ISM1: variants seen among roughly 807,000 people sequenced by gnomAD.
The protein encoded by ISM1 is isthmin 1, also known as isthmin-1.
ISM1 carries 25 observed loss-of-function variants against 46.3 expected under a neutral mutation model. That is an observed-to-expected ratio of 0.54 (90% CI 0.39 to 0.75). ISM1 has a LOEUF of 0.75. Among genes scored for constraint, ISM1 ranks in the 30% least tolerant of loss-of-function variants. ISM1 has a pLI of 0.00. For missense variants in ISM1, 536 were observed against 625.4 expected (o/e 0.86, Z 1.52); for synonymous variants, 255 against 256.7 (o/e 0.99, Z 0.06).
the ISM1 span, among the ~76,000 whole-genome samples, chr20:13,309,509 GA>G: frequency 6.6e-6 from 1 of 152,070 alleles, no homozygotes; most frequent in Non-Finnish European, 1.5e-5. Flanking sequence ...AACCATCAGT[GA>G]AAAGCTTTTC....
At chr20:13,236,114 G>A (rs1462952306) in intron 1 of ISM1, among the ~76,000 whole-genome samples, 1 of 151,838 alleles carries the variant, frequency 6.6e-6, no homozygotes, top group Non-Finnish European at 1.5e-5. Context: ...TAGTAGAGAC[G>A]GGGTTTCACC....
intron 1 of ISM1, among the ~76,000 whole-genome samples, chr20:13,228,155 T>C (rs1300398160): frequency 6.6e-6 from 1 of 151,888 alleles, no homozygotes; most frequent in Non-Finnish European, 1.5e-5. Context: ...GTATTTTTAG[T>C]AGAGATGGAG....
chr20:13,268,382 CT>C (rs2040072850), intron 1 of ISM1, among the ~76,000 whole-genome samples: 1 of 133,460 alleles, frequency 7.5e-6, no homozygotes, highest in African/African-American at 2.8e-5. Flanking sequence ...CTCTCTCTCT[CT>C]CTCTCTCTCT....
At chr20:13,293,028 T>C (rs2040369620) in intron 5 of ISM1, among the ~76,000 whole-genome samples, 1 of 151,474 alleles carries the variant, frequency 6.6e-6, no homozygotes, top group South Asian at 2.1e-4. Context: ...AACCCCCCCG[T>C]CTCTACTAAA....
chr20:13,242,874 T>C (rs1027140058), intron 1 of ISM1, among the ~76,000 whole-genome samples: 1 of 152,228 alleles, frequency 6.6e-6, no homozygotes, highest in Non-Finnish European at 1.5e-5. Flanking sequence ...TACTTGTTTT[T>C]GTCATATACT....
In ISM1 at chr20:13,221,737, G is replaced by A; in HGVS notation, c.-40G>A. The A allele has an allele frequency of 1.5e-6, 2 of 1,350,108 alleles. No homozygotes were observed. The highest frequency in any genetic ancestry group is 1.9e-6 in the Non-Finnish European group (2 of 1,054,324). 83.6% of individuals were successfully genotyped at this position (1,350,108 alleles called of 1,614,324 possible). ...CCCCGGCGTCACCGCCGCCGCCGCC[G>A]GCCGCCGCGCCGGGTCCTAAAGCCG... On this transcript the variant is annotated 5_prime_UTR_variant, in exon 1 of 6. Coordinates refer to ENST00000262487, the MANE Select transcript of ISM1 (RefSeq NM_080826.2).
At chr20:13,228,121 C>G (rs1337640309) in intron 1 of ISM1, among the ~76,000 whole-genome samples, 1 of 151,808 alleles carries the variant, frequency 6.6e-6, no homozygotes, top group Non-Finnish European at 1.5e-5. Context: ...TACAGGTACC[C>G]ACCACCATGC....
intron 1 of ISM1, among the ~76,000 whole-genome samples, chr20:13,259,795 T>C (rs921233508): frequency 2.6e-5 from 4 of 152,220 alleles, no homozygotes; most frequent in African/African-American, 9.6e-5. Flanking sequence ...TGAAGATACA[T>C]GCTCCTACAG....
chr20:13,325,998 G>T, the ISM1 span, among the ~76,000 whole-genome samples: 50,247 of 151,618 alleles, frequency 0.33, 10,196 homozygotes, highest in African/African-American at 0.56. Flanking sequence ...TCCCAACTCC[G>T]GGTAACCACT....
At chr20:13,228,595 C>T (rs534696423) in intron 1 of ISM1, among the ~76,000 whole-genome samples, 61 of 151,800 alleles carry the variant, frequency 4.0e-4, no homozygotes, top group African/African-American at 1.1e-3. Flanking sequence ...TTTTAATGTT[C>T]GGAAATTTTA....
At chr20:13,307,910 G>T in the ISM1 span, among the ~76,000 whole-genome samples, 1 of 152,274 alleles carries the variant, frequency 6.6e-6, no homozygotes, top group African/African-American at 2.4e-5. Flanking sequence ...GTGTGCTTTT[G>T]GGTGTGCGTA....
intron 1 of ISM1, 48 bp from the exon 2 acceptor site, chr20:13,270,456 T>C: frequency 6.4e-7 from 1 of 1,562,048 alleles, no homozygotes; most frequent in Non-Finnish European, 8.7e-7. Context: ...GTGACATTTT[T>C]TAATCATGTG....
chr20:13,315,507 A>C, the ISM1 span, among the ~76,000 whole-genome samples: 2 of 152,066 alleles, frequency 1.3e-5, no homozygotes, highest in Non-Finnish European at 2.9e-5. Flanking sequence ...ATATGTATTC[A>C]CCTAATAACA....
At chr20:13,317,259 C>A in the ISM1 span, among the ~76,000 whole-genome samples, 2 of 151,394 alleles carry the variant, frequency 1.3e-5, no homozygotes, top group African/African-American at 4.8e-5. Context: ...AAAAACAAAA[C>A]AAAACAAAAA....
intron 1 of ISM1, among the ~76,000 whole-genome samples, chr20:13,235,157 T>C (rs1348727090): frequency 6.6e-6 from 1 of 152,212 alleles, no homozygotes; most frequent in East Asian, 1.9e-4. Flanking sequence ...TGAGGTTCAG[T>C]AGATCTAGGC....
chr20:13,272,277 T>C (rs574253652), intron 2 of ISM1, among the ~76,000 whole-genome samples: 1 of 152,318 alleles, frequency 6.6e-6, no homozygotes, highest in South Asian at 2.1e-4. Context: ...TTAGATCAGG[T>C]TTCGTTGACC....
chr20:13,243,779 C>T (rs1326226897), intron 1 of ISM1, among the ~76,000 whole-genome samples: 2 of 152,142 alleles, frequency 1.3e-5, no homozygotes, highest in African/African-American at 4.8e-5. Flanking sequence ...AACTAATCAG[C>T]AAAACATGGT....
At position 13,299,538 on chromosome 20, in the gene ISM1, G is replaced by A. The variant is rs2040440171; in HGVS notation, c.*79G>A. On this transcript the variant is annotated 3_prime_UTR_variant, in exon 6 of 6. Coordinates refer to ENST00000262487, the MANE Select transcript of ISM1 (RefSeq NM_080826.2). The surrounding 1 kb of genome is among the most constrained non-coding windows in gnomAD (Gnocchi z 5.8). ...CTGCACTGACGTGCCGACTGGCGCC[G>A]AGACCTTCATAGCTGCGGTCGTGTA... The A allele has an allele frequency of 1.7e-5, 22 of 1,308,476 alleles. 1 individual carries two copies. Among genetic ancestry groups the A allele is most frequent in the Non-Finnish European group, 1.6e-5 (15 of 949,084 alleles). The allele number at this position is 1,308,476 out of a possible 1,614,324, so 81.1% of individuals were successfully genotyped here.
intron 1 of ISM1, among the ~76,000 whole-genome samples, chr20:13,247,089 G>A (rs1312295754): frequency 6.6e-6 from 1 of 152,034 alleles, no homozygotes; most frequent in Non-Finnish European, 1.5e-5. Flanking sequence ...TACAAAGCCA[G>A]GTGTGGTGGC....
Sources: allele counts gnomAD v4.1 joint callset (sites outside exome capture counted in the v4.1 genomes callset), GRCh38; gene constraint gnomAD v4.1.1; non-coding constraint Gnocchi (gnomAD v3.1); transcripts MANE v1.5; gene names NCBI Gene and HGNC (gene_info 2026-07-23, HGNC 2026-07-21).